The following DAPK3 variants were observed in gnomAD, a reference collection of about 807,000 sequenced individuals.
DAPK3 encodes death-associated protein kinase 3.
DAPK3 carries 24 observed loss-of-function variants against 30.6 expected under a neutral mutation model. The ratio of observed to expected loss-of-function variants is 0.78; its 90% CI spans 0.57 to 1.10. The LOEUF (loss-of-function observed/expected upper bound fraction) is 1.10. Among genes scored for constraint, DAPK3 ranks in the 50% least tolerant of loss-of-function variants. The pLI, the probability that DAPK3 is intolerant of heterozygous loss-of-function variation, is 0.00. For synonymous variants in DAPK3, 341 were observed against 284.0 expected (o/e 1.20, Z -2.02); for missense variants, 629 against 657.3 (o/e 0.96, Z 0.47).
Position 3,959,567 on chromosome 19 carries a change from G to A in DAPK3, c.899C>T (p.Thr300Met). ...RKPERRRLKT[T>M]RLKEYTIKSH... ...CTTGATGGTGTACTCCTTCAGACGC[G>A]TGGTCTTCAGGCGCCGCCGCTCGGG... The change falls in exon 9 of 9, where the codon ACG becomes ATG. Residue 300 changes from threonine (T) to methionine (M), a missense_variant. By Grantham distance (81) the Thr-to-Met change is moderately conservative. Around this residue, in one of 2 missense-constraint regions of DAPK3, gnomAD observed 323 missense variants for 278.8 expected, o/e 1.16. Coordinates refer to ENST00000545797, the MANE Select transcript of DAPK3 (RefSeq NM_001348.3). 6.3e-7 allele frequency: 1 copy of A among 1,583,082 alleles called. No homozygotes were observed. The highest frequency in any genetic ancestry group is 8.5e-7 in the Non-Finnish European group (1 of 1,173,582).
rs1464864229 is a variant in DAPK3, at chr19:3,958,824, C to G, written c.*277G>C. 1.7e-6 allele frequency: 1 copy of G among 579,676 alleles called. No individual in the cohort carries two copies. Among genetic ancestry groups the G allele is most frequent in the Non-Finnish European group, 3.1e-6 (1 of 324,780 alleles). 35.9% of individuals were successfully genotyped at this position (579,676 alleles called of 1,614,324 possible). A position where few individuals can be genotyped will look rare whatever the true frequency, so the allele number is the denominator to read the frequency against. Reference sequence around the variant, plus strand: ...CGGTGGGTCCCAACCCTCACGGTGCCACAGGCCACGCTGCCTGGAGGGTCC... The same window carrying G: ...CGGTGGGTCCCAACCCTCACGGTGCGACAGGCCACGCTGCCTGGAGGGTCC... On this transcript the variant is annotated 3_prime_UTR_variant, in exon 9 of 9. Transcript: ENST00000545797.
intron 5 of DAPK3, 53 bp from the exon 6 acceptor site, chr19:3,963,722 C>T: frequency 6.8e-7 from 1 of 1,477,136 alleles, no homozygotes; most frequent in Non-Finnish European, 9.2e-7. Flanking sequence ...GCCCACCCTC[C>T]CAGGACCGTG....
chr19:3,964,977 A>T lies in DAPK3; in HGVS notation c.77T>A (p.Ile26Asn), dbSNP rs1185966975. ...GCCCTTCTGCCGGCACTTCCGCACG[A>T]TCGCAAACTGGCCGCTGGAGGAGGG... ...GEELGSGQFAIVRKCRQKGTG... is the reference protein window; with the variant it reads ...GEELGSGQFANVRKCRQKGTG... Residue 26 changes from isoleucine (I) to asparagine (N), a missense_variant, in exon 3 of 9, where the codon ATC becomes AAC. This residue lies in a region of DAPK3 where 306 missense variants were observed against 378.5 expected (regional missense o/e 0.81). Coordinates refer to ENST00000545797, the MANE Select transcript of DAPK3 (RefSeq NM_001348.3). 6.2e-7 allele frequency: 1 copy of T among 1,602,042 alleles called. No homozygotes were observed. The highest frequency in any genetic ancestry group is 8.5e-7 in the Non-Finnish European group (1 of 1,171,930).
Position 3,959,540 on chromosome 19 carries a change from G to A in DAPK3, c.926C>T (p.Ser309Leu). ...TTRLKEYTIK[S>L]HSSLPPNNSY... ...GTTGTTGGGCGGCAAGCTGGAGTGC[G>A]ACTTGATGGTGTACTCCTTCAGACG... The change falls in exon 9 of 9, where the codon TCG becomes TTG. Residue 309 changes from serine to leucine, a missense_variant. By Grantham distance (145) the Ser-to-Leu change is moderately radical. Transcript: ENST00000545797. The A allele has an allele frequency of 1.3e-6, 2 of 1,577,748 alleles. No homozygotes were observed. The highest frequency in any genetic ancestry group is 8.5e-7 in the Non-Finnish European group (1 of 1,170,476).
chr19:3,967,877 G>C (rs1224629726), intron 2 of DAPK3, among the ~76,000 whole-genome samples: 22 of 152,242 alleles, frequency 1.4e-4, no homozygotes, highest in Admixed American at 1.4e-3. Flanking sequence ...GCCACCCAGA[G>C]CTGTCAAACC....
rs375001964 is a variant in DAPK3 at position 3,964,676 on chromosome 19, G to A, written c.378C>T (p.Gly126=). 1.3e-5 allele frequency: 21 copies of A among 1,606,014 alleles called. No individual in the cohort carries two copies. Among genetic ancestry groups the A allele is most frequent in the South Asian group, 5.5e-5 (5 of 90,958 alleles). Residue 126 remains glycine (G), a synonymous_variant, in exon 3 of 9, where the codon GGC becomes GGT. Transcript: ENST00000545797. The part of the protein sequence containing the change: ...ATQFLKQILD[G]VHYLHSKRIA... ...TGCGCTTAGAGTGCAGGTAGTGAAC[G>A]CCGTCCAGGATCTGCTTGAGGAACT...
chr19:3,962,129 T>G (rs534612569), intron 6 of DAPK3, among the ~76,000 whole-genome samples: 1 of 152,304 alleles, frequency 6.6e-6, no homozygotes, highest in South Asian at 2.1e-4. Context: ...AGTGCTGAGA[T>G]TACAGGCGTG....
In DAPK3 at chr19:3,966,909, C is replaced by T. The variant is rs557783174; in HGVS notation, c.63-1918G>A. Among the ~76,000 whole-genome samples, 86 of 152,288 alleles carry T rather than the reference C, an allele frequency of 5.6e-4. 1 individual carries two copies. The highest frequency in any genetic ancestry group is 5.1e-3 in the Admixed American group (78 of 15,290). ...CACTGGCAGGCTCTCAGTTCCTCTA[C>T]GGAATGTGAAACGTGCCTCATCTCC... On this transcript the variant is annotated intron_variant, in intron 2 of 8. Coordinates refer to ENST00000545797, the MANE Select transcript of DAPK3 (RefSeq NM_001348.3).
At chr19:3,966,156 G>A (rs2039575359) in intron 2 of DAPK3, among the ~76,000 whole-genome samples, 1 of 152,184 alleles carries the variant, frequency 6.6e-6, no homozygotes, top group Non-Finnish European at 1.5e-5. Context: ...GTCAGTCAGT[G>A]GCGGGAGGAT....
In DAPK3 at chr19:3,961,010, T is replaced by C; in HGVS notation, c.781A>G (p.Lys261Glu). 6.2e-7 allele frequency: 1 copy of C among 1,613,254 alleles called. No homozygotes were observed. The highest frequency in any genetic ancestry group is 8.5e-7 in the Non-Finnish European group (1 of 1,179,744). ...GTGCCCCCTGCCGGCCCCTCGTACTTGGGATCTTTGACGAGCAGCCGGCGA... is the reference window on the plus strand; with the variant it reads ...GTGCCCCCTGCCGGCCCCTCGTACTCGGGATCTTTGACGAGCAGCCGGCGA... ...FIRRLLVKDP[K>E]RRMTIAQSLE... is the part of the protein sequence containing the mutation. Residue 261 changes from lysine (K) to glutamate (E), a missense_variant and splice_region_variant, in exon 7 of 9, where the codon AAG becomes GAG. This residue lies in a region of DAPK3 where 306 missense variants were observed against 378.5 expected (regional missense o/e 0.81). Transcript: ENST00000545797.
rs562569363 is a variant in DAPK3 at position 3,969,664 on chromosome 19, G to C, written c.62+10C>G. On this transcript the variant is annotated intron_variant, in intron 2 of 8. Transcript: ENST00000545797. ...TCCCTGGAGCCCAGCCGTGCGGGCA[G>C]ACAGCTCACCTGCCCAGCTCCTCCC... The C allele has an allele frequency of 5.7e-6, 9 of 1,591,970 alleles. No homozygotes were observed. Among genetic ancestry groups the C allele is most frequent in the African/African-American group, 2.7e-5 (2 of 74,586 alleles).
intron 2 of DAPK3, among the ~76,000 whole-genome samples, chr19:3,966,361 G>C (rs932848176): frequency 6.6e-6 from 1 of 152,182 alleles, no homozygotes; most frequent in African/African-American, 2.4e-5. Flanking sequence ...CCCAGGAAAG[G>C]GGTGGAAGGG....
intron 2 of DAPK3, among the ~76,000 whole-genome samples, chr19:3,968,607 T>G (rs1008076): frequency 0.48 from 73,450 of 152,040 alleles, 21,242 homozygotes; most frequent in East Asian, 0.76. Context: ...TAAAAGAAAT[T>G]TGGCTGAATT....
chr19:3,960,217 C>T, intron 7 of DAPK3, 113 bp from the exon 8 acceptor site: 1 of 662,204 alleles, frequency 1.5e-6, no homozygotes, highest in Non-Finnish European at 2.8e-6. Flanking sequence ...AGCCTCTGCT[C>T]AGCCAACCAC....
chr19:3,970,540 GGAC>G (rs1429751856), intron 1 of DAPK3: 1 of 143,010 alleles, frequency 7.0e-6, no homozygotes, highest in East Asian at 2.1e-4. Context: ...TCCAAGAACC[GGAC>G]GACGCCTTCC....
chr19:3,970,539 C>T (rs1379286580), intron 1 of DAPK3: 3 of 152,710 alleles, frequency 2.0e-5, no homozygotes, highest in Middle Eastern at 6.7e-3. Context: ...TTCCAAGAAC[C>T]GGACGACGCC....
chr19:3,963,665 T>C lies in DAPK3; in HGVS notation c.607A>G (p.Ile203Val), dbSNP rs750753947. The change falls in exon 6 of 9, where the codon ATC becomes GTC. Residue 203 changes from isoleucine to valine, a missense_variant. Around this residue, in one of 2 missense-constraint regions of DAPK3, gnomAD observed 306 missense variants for 378.5 expected, o/e 0.81. Coordinates refer to ENST00000545797, the MANE Select transcript of DAPK3 (RefSeq NM_001348.3). ...PLGLEADMWSIGVITYILLSG... is the reference protein window; with the variant it reads ...PLGLEADMWSVGVITYILLSG... Reference sequence around the variant, plus strand: ...CACAGGATATAGGTGATGACACCGATGCTCCTGGGGACAGACAAGAGGCAA... The same window carrying C: ...CACAGGATATAGGTGATGACACCGACGCTCCTGGGGACAGACAAGAGGCAA... 5.2e-6 allele frequency: 8 copies of C among 1,535,696 alleles called. No homozygotes were observed. Among genetic ancestry groups the C allele is most frequent in the Admixed American group, 4.5e-5 (2 of 44,142 alleles).
intron 7 of DAPK3, among the ~76,000 whole-genome samples, chr19:3,960,671 T>C (rs570066345): frequency 7.3e-5 from 11 of 151,632 alleles, no homozygotes; most frequent in African/African-American, 2.4e-4. Flanking sequence ...CCCAGCTACT[T>C]GGGAGGCTAA....
chr19:3,963,559 C>A, intron 6 of DAPK3, 84 bp downstream of exon 6: 1 of 840,094 alleles, frequency 1.2e-6, no homozygotes, highest in South Asian at 1.7e-5. Context: ...GCTGGGGACC[C>A]CTGGCGTCCA....
Sources: gnomAD v4.1 joint callset for allele counts (sites outside exome capture counted in the v4.1 genomes callset) on GRCh38, gnomAD v4.1.1 for gene constraint, gnomAD v4.1.1 regional missense constraint, MANE v1.5 for transcripts, NCBI Gene and HGNC (gene_info 2026-07-23, HGNC 2026-07-21) for gene names.